The following FBXO38 variants were observed in gnomAD, a reference collection of about 807,000 sequenced individuals.
FBXO38 encodes the protein F-box protein 38, also known as F-box only protein 38.
FBXO38 carries 53 observed loss-of-function variants against 131.9 expected under a neutral mutation model. The ratio of observed to expected loss-of-function variants is 0.40; its 90% CI spans 0.32 to 0.51. The LOEUF is 0.51. Ranked by LOEUF, FBXO38 falls within the 20% of genes least tolerant of loss-of-function variation. The pLI is 0.53. For synonymous variants in FBXO38, 452 were observed against 505.6 expected, an observed-to-expected ratio of 0.89 and a Z score of 1.42; for missense variants, 1,076 against 1,475.6, an observed-to-expected ratio of 0.73 and a Z score of 4.44.
chr5:148,386,479 G>A (rs894449825), intron 1 of FBXO38, among the ~76,000 whole-genome samples: 1 of 152,028 alleles, frequency 6.6e-6, no homozygotes, highest in Admixed American at 6.6e-5. Flanking sequence ...CATGAGTCTG[G>A]AAAACGGATG....
intron 9 of FBXO38, among the ~76,000 whole-genome samples, chr5:148,411,434 A>AT (rs1752747843): frequency 6.6e-6 from 1 of 152,032 alleles, no homozygotes; most frequent in African/African-American, 2.4e-5. Context: ...TCAAGAATTC[A>AT]TTTTCTTCCC....
intron 1 of FBXO38, among the ~76,000 whole-genome samples, chr5:148,389,317 A>T (rs902076936): frequency 1.5e-4 from 23 of 152,366 alleles, no homozygotes; most frequent in African/African-American, 4.8e-4. Flanking sequence ...GTGCTGCTGG[A>T]AAAAGGGCAC....
intron 14 of FBXO38, among the ~76,000 whole-genome samples, chr5:148,427,009 T>C (rs1753746758): frequency 6.6e-6 from 1 of 152,122 alleles, no homozygotes; most frequent in Admixed American, 6.5e-5. Flanking sequence ...TTTGAAGGCA[T>C]AGCTAAGGAG....
chr5:148,416,812 T>C (rs1051170429), intron 11 of FBXO38, 182 bp from the exon 12 acceptor site: 10 of 576,950 alleles, frequency 1.7e-5, no homozygotes, highest in East Asian at 8.6e-5. Flanking sequence ...CAGTAACCCT[T>C]TATCTATCTT....
intron 15 of FBXO38, among the ~76,000 whole-genome samples, chr5:148,429,567 G>A (rs1353819062): frequency 6.6e-6 from 1 of 151,946 alleles, no homozygotes; most frequent in Admixed American, 6.6e-5. Context: ...GATGTGTTTT[G>A]TAATATTTTT....
intron 17 of FBXO38, 79 bp downstream of exon 17, chr5:148,433,816 C>CT: frequency 7.1e-6 from 5 of 701,516 alleles, no homozygotes; most frequent in Non-Finnish European, 1.2e-5. Context: ...ACTGTAATAG[C>CT]ATTACTGTCT....
intron 9 of FBXO38, among the ~76,000 whole-genome samples, chr5:148,412,325 A>G (rs1479671022): frequency 2.6e-5 from 4 of 152,130 alleles, no homozygotes; most frequent in Non-Finnish European, 5.9e-5. Context: ...CGATATCATG[A>G]GGTCACTGCT....
chr5:148,435,864 C>A (rs958302807), intron 17 of FBXO38, among the ~76,000 whole-genome samples: 1 of 152,126 alleles, frequency 6.6e-6, no homozygotes, highest in African/African-American at 2.4e-5. Context: ...GGCCTAATTT[C>A]GACATCATTG....
At chr5:148,387,868 T>TC (rs1757997439) in intron 1 of FBXO38, among the ~76,000 whole-genome samples, 1 of 152,002 alleles carries the variant, frequency 6.6e-6, no homozygotes, top group Non-Finnish European at 1.5e-5. Flanking sequence ...ATTTTTGTAT[T>TC]TTCAGTAGAG....
chr5:148,397,050 C>G (rs1485931687), intron 2 of FBXO38, among the ~76,000 whole-genome samples: 1 of 152,116 alleles, frequency 6.6e-6, no homozygotes, highest in Non-Finnish European at 1.5e-5. Flanking sequence ...TAGAAAGAAC[C>G]ATGAACTTAG....
At chr5:148,421,563 C>A (rs1447162009) in intron 12 of FBXO38, among the ~76,000 whole-genome samples, 1 of 152,096 alleles carries the variant, frequency 6.6e-6, no homozygotes, top group East Asian at 1.9e-4. Context: ...GCTGAAATAA[C>A]ATTTCAGCTA....
chr5:148,417,149 G>A lies in FBXO38; in HGVS notation c.1563G>A (p.Glu521=), dbSNP rs759678292. The change falls in exon 12 of 22, where the codon GAG becomes GAA. Residue 521 remains glutamate (E), a synonymous_variant. Transcript: ENST00000340253. ...NNHHHPDDSD[E]ENDFRQDLQP... is the part of the protein sequence containing the mutation. ...ACCATCATCCAGATGACTCAGACGA[G>A]GAGAATGACTTTCGGCAAGATCTGC... The A allele has an allele frequency of 4.3e-6, 7 of 1,613,802 alleles. No individual in the cohort carries two copies. The Admixed American group carries it at 1.2e-4, about 27-fold the overall frequency.
intron 7 of FBXO38, 148 bp downstream of exon 7, chr5:148,406,542 A>G (rs552666857): frequency 1.7e-4 from 105 of 613,622 alleles, no homozygotes; most frequent in African/African-American, 1.4e-3. Context: ...ACAGTAAGTA[A>G]CCATGAGCAT....
At chr5:148,416,768 TCTC>T (rs1753078790) in intron 11 of FBXO38, 1 of 511,900 alleles carries the variant, frequency 2.0e-6, no homozygotes. Flanking sequence ...GCAGATCTCT[TCTC>T]CTTGCATGAC....
At chr5:148,424,293 T>TA (rs771381428) in intron 13 of FBXO38, among the ~76,000 whole-genome samples, 176 bp downstream of exon 13, 1 of 152,262 alleles carries the variant, frequency 6.6e-6, no homozygotes, top group Non-Finnish European at 1.5e-5. Context: ...TGTATCTTAC[T>TA]AAAGTTTGTC....
rs550040083 is a variant in FBXO38, at chr5:148,425,062, C to T, written c.1739-460C>T. Among the ~76,000 whole-genome samples the T allele has an allele frequency of 9.2e-5, 14 of 152,296 alleles. No homozygotes were observed. The South Asian group carries it at 2.9e-3, about 32-fold the overall frequency. On this transcript the variant is annotated intron_variant, in intron 13 of 21. Transcript: ENST00000340253. ...ACATCTAATGAGATAGATCTATACT[C>T]AAAGAATATGGAGTCTTATTTACCA...
At chr5:148,425,415 T>A in intron 13 of FBXO38, 107 bp from the exon 14 acceptor site, 1 of 836,922 alleles carries the variant, frequency 1.2e-6, no homozygotes, top group South Asian at 1.7e-5. Flanking sequence ...GGAGGCTGTA[T>A]AGAGCCACAA....
intron 17 of FBXO38, among the ~76,000 whole-genome samples, chr5:148,436,730 TCTC>T (rs893905549): frequency 1.3e-5 from 2 of 152,288 alleles, no homozygotes; most frequent in East Asian, 1.9e-4. Context: ...AAGCACTACT[TCTC>T]CTCTGAATTC....
chr5:148,430,958 C>T (rs1299324245), intron 15 of FBXO38, among the ~76,000 whole-genome samples: 2 of 152,210 alleles, frequency 1.3e-5, no homozygotes, highest in Non-Finnish European at 2.9e-5. Flanking sequence ...CTTTCCCTGA[C>T]ACCCCAAGAC....
Sources: gnomAD v4.1 joint callset for allele counts (sites outside exome capture counted in the v4.1 genomes callset) on GRCh38, gnomAD v4.1.1 for gene constraint, MANE v1.5 for transcripts, NCBI Gene and HGNC (gene_info 2026-07-23, HGNC 2026-07-21) for gene names.